Variants in DNASE1 observed in about 807,000 individuals in gnomAD.
The protein encoded by DNASE1 is deoxyribonuclease 1.
Under a neutral mutation model 33.9 loss-of-function variants are expected in DNASE1, and 40 were observed. That is an observed-to-expected ratio of 1.18 (90% CI 0.92 to 1.54). The LOEUF (loss-of-function observed/expected upper bound fraction) is 1.54, where lower values mean the gene tolerates loss of function less well. Among genes scored for constraint, DNASE1 ranks in the 40% most tolerant of loss-of-function variants. The pLI, the probability that DNASE1 is intolerant of heterozygous loss-of-function variation, is 0.00. For synonymous variants in DNASE1, 216 were observed against 160.0 expected (o/e 1.35, Z -2.64); for missense variants, 518 against 372.6 (o/e 1.39, Z -3.21).
At chr16:3,654,398 A>T (rs1178822413), upstream of DNASE1, 2 of 398,580 alleles carry the variant, frequency 5.0e-6, no homozygotes, top group Non-Finnish European at 8.8e-6. Context: ...GATGGCGATG[A>T]ATCAGGAAGG....
chr16:3,661,701 G>A (rs1261236933), downstream of DNASE1: 1 of 360,488 alleles, frequency 2.8e-6, no homozygotes, highest in Non-Finnish European at 5.0e-6. Context: ...GCAAAACTGA[G>A]CATGTCCAGG....
chr16:3,620,123 C>G (rs530196660), intron 1 of DNASE1, among the ~76,000 whole-genome samples: 1 of 151,998 alleles, frequency 6.6e-6, no homozygotes, highest in South Asian at 2.1e-4. Flanking sequence ...ACCATGTTGG[C>G]CAGGCTGGTG....
At chr16:3,616,679 A>T (rs1171864932) in intron 1 of DNASE1, among the ~76,000 whole-genome samples, 1 of 148,332 alleles carries the variant, frequency 6.7e-6, no homozygotes, top group Non-Finnish European at 1.5e-5. Context: ...AGGGGCTCTT[A>T]ATACCCAAAA....
chr16:3,649,775 A>G (rs2042278601), upstream of DNASE1, among the ~76,000 whole-genome samples: 1 of 152,110 alleles, frequency 6.6e-6, no homozygotes, highest in African/African-American at 2.4e-5. Flanking sequence ...CCTCTGCCCC[A>G]TCTGAGTCAA....
chr16:3,665,252 C>G (rs1323705480), exon 10 of DNASE1: 1 of 152,224 alleles, frequency 6.6e-6, no homozygotes, highest in Non-Finnish European at 1.5e-5. Context: ...CCTTGGGACC[C>G]CACACACGTG....
chr16:3,615,623 G>C (rs888619892), intron 1 of DNASE1, among the ~76,000 whole-genome samples: 1 of 152,166 alleles, frequency 6.6e-6, no homozygotes, highest in African/African-American at 2.4e-5. Context: ...CCTTGTGTTT[G>C]GTAAACCTTA....
downstream of DNASE1, chr16:3,661,355 C>T (rs1313089794): frequency 6.6e-6 from 1 of 151,956 alleles, no homozygotes; most frequent in Admixed American, 6.6e-5. Context: ...CGAGGGAAAT[C>T]TTACGGCTCA....
chr16:3,616,084 A>G (rs2041093802), intron 1 of DNASE1, among the ~76,000 whole-genome samples: 1 of 152,246 alleles, frequency 6.6e-6, no homozygotes, highest in Admixed American at 6.5e-5. Flanking sequence ...AGGACAGGAA[A>G]TAACTGTTTT....
In DNASE1 at chr16:3,657,084, G is replaced by C. The variant is rs969348584; in HGVS notation, c.522G>C (p.Leu174=). Residue 174 remains leucine, a synonymous_variant, in exon 6 of 9, where the codon CTG becomes CTC. Transcript: ENST00000246949. ...TCGACGCTCTCTATGACGTCTACCTGGATGTCCAAGAGAAATGGGGCTTGG... is the reference window on the plus strand; with the variant it reads ...TCGACGCTCTCTATGACGTCTACCTCGATGTCCAAGAGAAATGGGGCTTGG... ...AEIDALYDVY[L]DVQEKWGLED... 6.2e-7 allele frequency: 1 copy of C among 1,614,002 alleles called. No homozygotes were observed. Among genetic ancestry groups the C allele is most frequent in the Non-Finnish European group, 8.5e-7 (1 of 1,180,028 alleles).
At chr16:3,657,485 A>C in intron 7 of DNASE1, 144 bp downstream of exon 7, 3 of 1,291,284 alleles carry the variant, frequency 2.3e-6, no homozygotes, top group South Asian at 1.4e-5. Flanking sequence ...ACAGAATAAC[A>C]AGAGCCACGA....
chr16:3,653,826 A>AAAAAAAAAAAAAAAACAAAAC (rs1567205849), upstream of DNASE1: 4 of 144,908 alleles, frequency 2.8e-5, no homozygotes, highest in African/African-American at 1.1e-4. Flanking sequence ...AAAAAAAAAA[A>AAAAAAAAAAAAAAAACAAAAC]AAAAAAAAAA....
intron 1 of DNASE1, among the ~76,000 whole-genome samples, chr16:3,617,218 C>T (rs535525917): frequency 4.7e-5 from 7 of 147,700 alleles, no homozygotes; most frequent in African/African-American, 1.7e-4. Context: ...CCCAGCTACT[C>T]GGGAGGCTGA....
At chr16:3,613,908 AT>A (rs200976238) in intron 1 of DNASE1, among the ~76,000 whole-genome samples, 1,951 of 113,122 alleles carry the variant, frequency 0.017, 35 homozygotes, top group African/African-American at 0.062. Context: ...CGCCTGGCTA[AT>A]TTTTTTTTTT....
rs149389275 is a variant in DNASE1, at chr16:3,646,694, C to T, written c.-86+3658C>T. 2.0e-5 allele frequency among the ~76,000 whole-genome samples: 3 copies of T among 152,246 alleles called. No homozygotes were observed. In the East Asian group the frequency reaches 5.8e-4, roughly 29 times the overall value. On this transcript the variant is annotated intron_variant, in intron 1 of 9. Transcript: ENST00000407479. ...ATTTTAAGTAGGGGAATAAAGAGAT[C>T]TAATTACACATTTGCGAGATGTTCT...
chr16:3,646,021 G>T (rs2042162270), intron 1 of DNASE1, among the ~76,000 whole-genome samples: 2 of 152,134 alleles, frequency 1.3e-5, no homozygotes, highest in African/African-American at 4.8e-5. Context: ...CACCTCCCAA[G>T]GGAGAGGAGA....
chr16:3,655,431 G>T lies in DNASE1; in HGVS notation c.58G>T (p.Ala20Ser), dbSNP rs755459254. Residue 20 changes from alanine to serine, a missense_variant, in exon 2 of 9, where the codon GCC becomes TCC. By Grantham distance (99) the Ala-to-Ser change is moderately conservative (BLOSUM62 1). Transcript: ENST00000246949. ...LLALAALLQG[A>S]VSLKIAAFNI... The stretch of plus-strand genomic sequence containing the variant: ...GGCACTGGCGGCCCTACTGCAGGGG[G>T]CCGTGTCCCTGAAGATCGCAGCCTT... The T allele has an allele frequency of 1.4e-5, 22 of 1,613,992 alleles. No individual in the cohort carries two copies. Among genetic ancestry groups the T allele is most frequent in the Non-Finnish European group, 1.8e-5 (21 of 1,180,034 alleles).
chr16:3,664,364 G>A, exon 10 of DNASE1: 1 of 1,613,014 alleles, frequency 6.2e-7, no homozygotes, highest in East Asian at 2.2e-5. Flanking sequence ...TGTTGCGGGT[G>A]CCGGCCCGCA....
chr16:3,618,754 C>A (rs933165114), intron 1 of DNASE1, among the ~76,000 whole-genome samples: 1 of 152,144 alleles, frequency 6.6e-6, no homozygotes, highest in East Asian at 1.9e-4. Context: ...CAAACAAAAA[C>A]GTGTACACCT....
upstream of DNASE1, chr16:3,651,316 G>C (rs1220960917): frequency 4.6e-5 from 7 of 152,210 alleles, no homozygotes; most frequent in Non-Finnish European, 7.3e-5. Flanking sequence ...GTCTGTGACA[G>C]GTTTAATTTA....
Sources: gnomAD v4.1 joint callset for allele counts (sites outside exome capture counted in the v4.1 genomes callset) on GRCh38, gnomAD v4.1.1 for gene constraint, MANE v1.5 for transcripts, NCBI Gene and HGNC (gene_info 2026-07-23, HGNC 2026-07-21) for gene names.